Variants in SOX5 observed in about 807,000 individuals in gnomAD.
SOX5 encodes transcription factor SOX-5.
In SOX5, 9 loss-of-function variants were observed where a neutral mutation model predicts 92.0. The observed-to-expected ratio is 0.10, with a 90% confidence interval of 0.06 to 0.17. SOX5 has a LOEUF of 0.17. Ranked by LOEUF, SOX5 falls within the 10% of genes least tolerant of loss-of-function variation. SOX5 has a pLI of 1.00. For synonymous variants in SOX5, 344 were observed against 336.3 expected (o/e 1.02, Z -0.25); for missense variants, 642 against 944.5 (o/e 0.68, Z 4.20).
chr12:23,849,504 G>A (rs1359665531), intron 2 of SOX5, among the ~76,000 whole-genome samples: 1 of 152,100 alleles, frequency 6.6e-6, no homozygotes, highest in Non-Finnish European at 1.5e-5. Context: ...AAAGTAGAGT[G>A]AAAAATCAGC....
intron 8 of SOX5, among the ~76,000 whole-genome samples, chr12:23,618,898 C>T (rs1391816686): frequency 2.6e-5 from 4 of 152,128 alleles, no homozygotes. Context: ...AAAGGAATTT[C>T]CCCTGAACTC....
chr12:24,299,223 C>A (rs894915331), intron 2 of SOX5, among the ~76,000 whole-genome samples: 4 of 152,122 alleles, frequency 2.6e-5, no homozygotes, highest in African/African-American at 4.8e-5. Context: ...GGGAAAATTT[C>A]TTTTCAATGA....
At chr12:23,865,862 T>C (rs547153971) in intron 2 of SOX5, among the ~76,000 whole-genome samples, 1 of 152,210 alleles carries the variant, frequency 6.6e-6, no homozygotes, top group South Asian at 2.1e-4. Flanking sequence ...TTGAAAGAAG[T>C]TGATTTCAAG....
At chr12:24,287,554 G>T (rs1169957515) in intron 2 of SOX5, among the ~76,000 whole-genome samples, 4 of 148,564 alleles carry the variant, frequency 2.7e-5, no homozygotes, top group Admixed American at 6.7e-5. Flanking sequence ...GAGCTCAGCA[G>T]GGCTAAAGGG....
chr12:24,377,037 C>A (rs899520521), intron 1 of SOX5, among the ~76,000 whole-genome samples: 1 of 152,084 alleles, frequency 6.6e-6, no homozygotes, highest in Admixed American at 6.5e-5. Context: ...CTGCCCTAAA[C>A]GTCTATCTTT....
At chr12:24,081,659 A>G (rs1002645156) in intron 4 of SOX5, among the ~76,000 whole-genome samples, 1 of 151,964 alleles carries the variant, frequency 6.6e-6, no homozygotes, top group Non-Finnish European at 1.5e-5. Flanking sequence ...GAATACTTGG[A>G]ACTCTCTGCA....
chr12:24,183,511 A>G (rs1955715939), intron 4 of SOX5, among the ~76,000 whole-genome samples: 1 of 152,200 alleles, frequency 6.6e-6, no homozygotes, highest in African/African-American at 2.4e-5. Flanking sequence ...GGTTTCCTCA[A>G]CTAAGTTGAT....
At chr12:24,182,919 C>G (rs1955655446) in intron 4 of SOX5, among the ~76,000 whole-genome samples, 1 of 152,104 alleles carries the variant, frequency 6.6e-6, no homozygotes, top group Non-Finnish European at 1.5e-5. Context: ...TCATCATGTT[C>G]ACCAGGCTGA....
At chr12:24,378,821 C>T (rs903862266) in intron 1 of SOX5, among the ~76,000 whole-genome samples, 2 of 152,174 alleles carry the variant, frequency 1.3e-5, no homozygotes, top group Admixed American at 6.5e-5. Context: ...TCAATCCGCA[C>T]CCCCTGTTGC....
intron 3 of SOX5, among the ~76,000 whole-genome samples, chr12:23,820,965 T>G (rs2142743941): frequency 6.6e-6 from 1 of 152,308 alleles, no homozygotes; most frequent in African/African-American, 2.4e-5. Context: ...GTGAAGAAAG[T>G]CAATGGTAGC....
At chr12:24,390,429 C>T (rs188335361) in intron 1 of SOX5, among the ~76,000 whole-genome samples, 1 of 152,214 alleles carries the variant, frequency 6.6e-6, no homozygotes, top group East Asian at 1.9e-4. Flanking sequence ...TTTTAGATTA[C>T]ATGTATAATG....
intron 4 of SOX5, among the ~76,000 whole-genome samples, chr12:23,967,136 C>A (rs913919555): frequency 2.6e-5 from 4 of 152,216 alleles, no homozygotes; most frequent in Middle Eastern, 3.4e-3. Flanking sequence ...TTAAGCATTT[C>A]ATTTATTACT....
intron 2 of SOX5, among the ~76,000 whole-genome samples, chr12:24,294,801 T>C (rs2140545609): frequency 6.6e-6 from 1 of 152,380 alleles, no homozygotes; most frequent in East Asian, 1.9e-4. Context: ...CCCACAGGGA[T>C]GAAGCCGACA....
intron 6 of SOX5, among the ~76,000 whole-genome samples, chr12:23,682,965 G>A (rs2086870526): frequency 6.6e-6 from 1 of 151,676 alleles, no homozygotes. Flanking sequence ...ACTTTTGAAA[G>A]GAATGTAAAT....
chr12:23,826,265 T>A (rs10771034), intron 3 of SOX5, among the ~76,000 whole-genome samples: 89,679 of 150,536 alleles, frequency 0.6, 26,931 homozygotes, highest in East Asian at 0.82. Context: ...ATGAGTGAGA[T>A]CATGTGGTGT....
rs765156740 is a variant in SOX5, at chr12:23,983,104, CA to C, written c.-1-87081del. ...TTGGTAGTCACTGGGATCTGGAGTC[CA>C]TTTTTTTTTTTTTTTTAAGTAAGCC... On this transcript the variant is annotated intron_variant, in intron 4 of 4. Coordinates refer to the SOX5 transcript ENST00000446891. Among the ~76,000 whole-genome samples the C allele has an allele frequency of 9.3e-5, 10 of 107,080 alleles. 1 individual carries two copies. The South Asian group carries it at 2.8e-3, about 30-fold the overall frequency. 70.2% of individuals were successfully genotyped at this position (107,080 alleles called of 152,430 possible).
At chr12:24,030,212 T>C (rs997808461) in intron 4 of SOX5, among the ~76,000 whole-genome samples, 1 of 151,872 alleles carries the variant, frequency 6.6e-6, no homozygotes, top group African/African-American at 2.4e-5. Flanking sequence ...CTAATAAAAA[T>C]ACTCTCCTCT....
intron 4 of SOX5, among the ~76,000 whole-genome samples, chr12:23,985,773 T>C (rs1950007761): frequency 6.6e-6 from 1 of 152,126 alleles, no homozygotes; most frequent in Admixed American, 6.5e-5. Context: ...ACGTATTATC[T>C]TGGTGGTCAG....
rs777330348 is a variant in SOX5 at position 24,426,663 on chromosome 12, C to T, written c.-250-58024G>A. 4.6e-5 allele frequency among the ~76,000 whole-genome samples: 7 copies of T among 152,300 alleles called. No homozygotes were observed. In the East Asian group the frequency reaches 1.2e-3, roughly 25 times the overall value. On this transcript the variant is annotated intron_variant, in intron 1 of 4. Transcript: ENST00000446891. ...AAGTTTACAGATACAATTTACTTTG[C>T]TTTTCTTCCAGAATTTCATATCTTA... is the stretch of plus-strand genomic sequence containing the variant.
Sources: gnomAD v4.1 joint callset for allele counts (sites outside exome capture counted in the v4.1 genomes callset) on GRCh38, gnomAD v4.1.1 for gene constraint, MANE v1.5 for transcripts, NCBI Gene and HGNC (gene_info 2026-07-23, HGNC 2026-07-21) for gene names.